EZHIP: variants seen among roughly 807,000 people sequenced by gnomAD.
EZHIP encodes the protein K27M-like inhibitor of PRC2.
For missense variants in EZHIP, 428 were observed against 204.2 expected, an observed-to-expected ratio of 2.10 and a Z score of -6.68; for synonymous variants, 192 against 86.5, an observed-to-expected ratio of 2.22 and a Z score of -6.77.
chrX:51,407,327 G>A lies in EZHIP; in HGVS notation c.311G>A (p.Arg104His), dbSNP rs1484319307. The change falls in exon 1 of 1, where the codon CGC becomes CAC. Residue 104 changes from arginine (R) to histidine (H), a missense_variant. Physicochemically the swap from Arg to His is conservative, Grantham distance 29 (BLOSUM62 0). Transcript: ENST00000342995. ...AGGCATTCTGACCGCCAGGACTGCC[G>A]CAGTCCTCACGAAGTTTTTGGGTGT... ...TERHSDRQDC[R>H]SPHEVFGCVV... 8 of 568,904 alleles carry A rather than the reference G, an allele frequency of 1.4e-5. No individual in the cohort carries two copies. Among genetic ancestry groups the A allele is most frequent in the Non-Finnish European group, 2.3e-5 (7 of 308,938 alleles). 46.9% of individuals were successfully genotyped at this position (568,904 alleles called of 1,213,427 possible). A position where few individuals can be genotyped will look rare whatever the true frequency, so the allele number is the denominator to read the frequency against.
rs17854399 is a variant in EZHIP at position 51,407,589 on chromosome X, G to C, written c.573G>C (p.Thr191=). 3.4e-5 allele frequency: 19 copies of C among 556,432 alleles called. No homozygotes were observed. The highest frequency in any genetic ancestry group is 2.3e-4 in the East Asian group (7 of 30,051). The allele number at this position is 556,432 out of a possible 1,213,427, so 45.9% of individuals were successfully genotyped here. A position where few individuals can be genotyped will look rare whatever the true frequency, so the allele number is the denominator to read the frequency against. The change falls in exon 1 of 1, where the codon ACG becomes ACC. Residue 191 remains threonine (T), a synonymous_variant. Coordinates refer to ENST00000342995, the MANE Select transcript of EZHIP (RefSeq NM_203407.3). ...PSSYPCSGAS[T]SSQATQPGPA... ...GCTATCCCTGTTCCGGGGCTTCTAC[G>C]TCGAGTCAGGCAACCCAGCCAGGCC...
Position 51,408,275 on chromosome X carries a change from C to T in EZHIP, c.1259C>T (p.Pro420Leu). The change falls in exon 1 of 1, where the codon CCC (proline) becomes CTC (leucine). Residue 420 changes from proline (P) to leucine (L), a missense_variant. Physicochemically the swap from Pro to Leu is moderately conservative, Grantham distance 98. Transcript: ENST00000342995. Reference protein sequence around the residue: ...SPSPPGRFFLPIPQQWDESSS... With the variant: ...SPSPPGRFFLLIPQQWDESSS... ...TCACCCCCTGGGAGGTTCTTCCTTC[C>T]CATCCCTCAGCAGTGGGATGAGAGC... is the stretch of plus-strand genomic sequence containing the variant. 1.8e-6 allele frequency: 1 copy of T among 571,220 alleles called. No homozygotes were observed. Among genetic ancestry groups the T allele is most frequent in the South Asian group, 2.2e-5 (1 of 44,998 alleles). 47.1% of individuals were successfully genotyped at this position (571,220 alleles called of 1,213,427 possible).
At position 51,407,565 on chromosome X, in the gene EZHIP, C is replaced by T. The variant is rs1557318737; in HGVS notation, c.549C>T (p.Ser183=). The change falls in exon 1 of 1, where the codon AGC becomes AGT. Residue 183 remains serine (S), a synonymous_variant. Coordinates refer to ENST00000342995, the MANE Select transcript of EZHIP (RefSeq NM_203407.3). ...PPSSPGFRPS[S]YPCSGASTSS... ...CTTCTCCAGGGTTCCGGCCCAGCAG[C>T]TATCCCTGTTCCGGGGCTTCTACGT... 1.8e-6 allele frequency: 1 copy of T among 555,025 alleles called. No individual in the cohort carries two copies. Among genetic ancestry groups the T allele is most frequent in the Non-Finnish European group, 3.3e-6 (1 of 300,711 alleles). 45.7% of individuals were successfully genotyped at this position (555,025 alleles called of 1,213,427 possible). A position where few individuals can be genotyped will look rare whatever the true frequency, so the allele number is the denominator to read the frequency against.
In EZHIP at chrX:51,408,596, C is replaced by T. The variant is rs782060991; in HGVS notation, c.*68C>T. ...TTTACCCACTTTGTGAATGGGCTGC[C>T]TGCCCTGTAGTTAGCTGCGAGGTCT... On this transcript the variant is annotated 3_prime_UTR_variant, in exon 1 of 1. Transcript: ENST00000342995. The T allele has an allele frequency of 7.7e-4, 402 of 518,753 alleles. 2 individuals carry two copies. The South Asian group carries it at 0.01, about 13-fold the overall frequency. The allele number at this position is 518,753 out of a possible 1,213,427, so 42.8% of individuals were successfully genotyped here. A position where few individuals can be genotyped will look rare whatever the true frequency, so the allele number is the denominator to read the frequency against.
Position 51,407,155 on chromosome X carries a change from A to C in EZHIP, c.139A>C (p.Thr47Pro), listed in dbSNP as rs782637888. 11 of 569,055 alleles carry C rather than the reference A, an allele frequency of 1.9e-5. No homozygotes were observed. Among genetic ancestry groups the C allele is most frequent in the Middle Eastern group, 3.1e-4 (1 of 3,268 alleles). The allele number at this position is 569,055 out of a possible 1,213,427, so 46.9% of individuals were successfully genotyped here. A position where few individuals can be genotyped will look rare whatever the true frequency, so the allele number is the denominator to read the frequency against. ...TCAAGATCCTGCTGCTTCCGTCACC[A>C]CAGTCTCCAGCCAAGCATCTCCCTC... ...GNQDPAASVT[T>P]VSSQASPSGG... Residue 47 changes from threonine to proline, a missense_variant, in exon 1 of 1, where the codon ACA (threonine) becomes CCA (proline). Thr to Pro is a conservative substitution (Grantham distance 38). Transcript: ENST00000342995.
rs147119364 is a variant in EZHIP at position 51,407,191 on chromosome X, G to A, written c.175G>A (p.Ala59Thr). The change falls in exon 1 of 1, where the codon GCC (alanine) becomes ACC (threonine). Residue 59 changes from alanine (A) to threonine (T), a missense_variant. Coordinates refer to ENST00000342995, the MANE Select transcript of EZHIP (RefSeq NM_203407.3). ...SSQASPSGGA[A>T]LSSSTAGSSA... is the part of the protein sequence containing the mutation. ...CCAAGCATCTCCCTCGGGCGGCGCCGCCCTAAGCAGCAGCACAGCCGGTTC... is the reference window on the plus strand; with the variant it reads ...CCAAGCATCTCCCTCGGGCGGCGCCACCCTAAGCAGCAGCACAGCCGGTTC... The A allele has an allele frequency of 2.8e-5, 16 of 568,614 alleles. No individual in the cohort carries two copies. The highest frequency in any genetic ancestry group is 4.5e-5 in the Non-Finnish European group (14 of 308,942). 46.9% of individuals were successfully genotyped at this position (568,614 alleles called of 1,213,427 possible).
In EZHIP at chrX:51,407,134, G is replaced by A. The variant is rs146827443; in HGVS notation, c.118G>A (p.Asp40Asn). 26 of 568,928 alleles carry A rather than the reference G, an allele frequency of 4.6e-5. No homozygotes were observed. The highest frequency in any genetic ancestry group is 3.1e-4 in the Middle Eastern group (1 of 3,267). The allele number at this position is 568,928 out of a possible 1,213,427, so 46.9% of individuals were successfully genotyped here. A position where few individuals can be genotyped will look rare whatever the true frequency, so the allele number is the denominator to read the frequency against. Residue 40 changes from aspartate (D) to asparagine (N), a missense_variant, in exon 1 of 1, where the codon GAT becomes AAT. By Grantham distance (23) the Asp-to-Asn change is conservative. Coordinates refer to ENST00000342995, the MANE Select transcript of EZHIP (RefSeq NM_203407.3). Reference protein sequence around the residue: ...SGDACGTGNQDPAASVTTVSS... With the variant: ...SGDACGTGNQNPAASVTTVSS... The stretch of plus-strand genomic sequence containing the variant: ...GGATGCCTGCGGGACCGGGAATCAA[G>A]ATCCTGCTGCTTCCGTCACCACAGT...
chrX:51,407,569 C>T lies in EZHIP; in HGVS notation c.553C>T (p.Pro185Ser), dbSNP rs1437738052. 1 of 555,464 alleles carries T rather than the reference C, an allele frequency of 1.8e-6. No homozygotes were observed. The allele number at this position is 555,464 out of a possible 1,213,427, so 45.8% of individuals were successfully genotyped here. Residue 185 changes from proline (P) to serine (S), a missense_variant, in exon 1 of 1, where the codon CCC (proline) becomes TCC (serine). Transcript: ENST00000342995. ...TCCAGGGTTCCGGCCCAGCAGCTAT[C>T]CCTGTTCCGGGGCTTCTACGTCGAG... ...SSPGFRPSSYPCSGASTSSQA... is the reference protein window; with the variant it reads ...SSPGFRPSSYSCSGASTSSQA...
Position 51,408,150 on chromosome X carries a change from G to A in EZHIP, c.1134G>A (p.Arg378=). 1 of 571,000 alleles carries A rather than the reference G, an allele frequency of 1.8e-6. No homozygotes were observed. Among genetic ancestry groups the A allele is most frequent in the Non-Finnish European group, 3.2e-6 (1 of 309,276 alleles). The allele number at this position is 571,000 out of a possible 1,213,427, so 47.1% of individuals were successfully genotyped here. The change falls in exon 1 of 1, where the codon AGG becomes AGA. Residue 378 remains arginine (R), a synonymous_variant. Transcript: ENST00000342995. ...CTTCCTGTGGGACTGGCTCAGAAAG[G>A]CTTGCCTTTCAGAGCAGATCAGGCT... is the stretch of plus-strand genomic sequence containing the variant. ...ENPSCGTGSE[R]LAFQSRSGSP...
chrX:51,408,091 C>T lies in EZHIP; in HGVS notation c.1075C>T (p.Arg359Cys), dbSNP rs782346501. ...STQQRSALLSRRSLSGSADEN... is the reference protein window; with the variant it reads ...STQQRSALLSCRSLSGSADEN... The stretch of plus-strand genomic sequence containing the variant: ...CCAGCAAAGATCAGCCCTTCTCAGC[C>T]GCCGCTCTCTGTCTGGGTCAGCTGA... The change falls in exon 1 of 1, where the codon CGC (arginine) becomes TGC (cysteine). Residue 359 changes from arginine (R) to cysteine (C), a missense_variant. Transcript: ENST00000342995. 5 of 569,986 alleles carry T rather than the reference C, an allele frequency of 8.8e-6. 1 individual carries two copies. The South Asian group carries it at 8.9e-5, about 10-fold the overall frequency. 47.0% of individuals were successfully genotyped at this position (569,986 alleles called of 1,213,427 possible).
At position 51,407,731 on chromosome X, in the gene EZHIP, A is replaced by G; in HGVS notation, c.715A>G (p.Thr239Ala). 1.8e-6 allele frequency: 1 copy of G among 565,024 alleles called. No individual in the cohort carries two copies. Among genetic ancestry groups the G allele is most frequent in the South Asian group, 2.3e-5 (1 of 43,935 alleles). The allele number at this position is 565,024 out of a possible 1,213,427, so 46.6% of individuals were successfully genotyped here. A position where few individuals can be genotyped will look rare whatever the true frequency, so the allele number is the denominator to read the frequency against. Reference protein sequence around the residue: ...SGPGPVIRGCTAQPGPAFPHR... With the variant: ...SGPGPVIRGCAAQPGPAFPHR... ...TCCAGGCCCTGTCATCCGAGGCTGC[A>G]CCGCCCAGCCAGGCCCTGCTTTTCC... Residue 239 changes from threonine to alanine, a missense_variant, in exon 1 of 1, where the codon ACC (threonine) becomes GCC (alanine). Physicochemically the swap from Thr to Ala is moderately conservative, Grantham distance 58. Transcript: ENST00000342995.
chrX:51,408,003 G>T lies in EZHIP; in HGVS notation c.987G>T (p.Arg329Ser). The T allele has an allele frequency of 7.0e-6, 4 of 569,536 alleles. No individual in the cohort carries two copies. The highest frequency in any genetic ancestry group is 1.3e-5 in the Non-Finnish European group (4 of 309,477). The allele number at this position is 569,536 out of a possible 1,213,427, so 46.9% of individuals were successfully genotyped here. A position where few individuals can be genotyped will look rare whatever the true frequency, so the allele number is the denominator to read the frequency against. ...CTGCCCTTCGCGTCCGCACAGCAAG[G>T]TCAGACGCCGGTCATCGCAGCACCA... ...PGPALRVRTA[R>S]SDAGHRSTST... is the part of the protein sequence containing the mutation. The change falls in exon 1 of 1, where the codon AGG becomes AGT. Residue 329 changes from arginine to serine, a missense_variant. Transcript: ENST00000342995.
At position 51,408,632 on chromosome X, in the gene EZHIP, C is replaced by G. The variant is rs1790165544; in HGVS notation, c.*104C>G. On this transcript the variant is annotated 3_prime_UTR_variant, in exon 1 of 1. Coordinates refer to ENST00000342995, the MANE Select transcript of EZHIP (RefSeq NM_203407.3). ...TTAGCTGCGAGGTCTCCCAAAGTTC[C>G]AGCCGTTAACCAACATCCTGAGTAG... 1 of 476,636 alleles carries G rather than the reference C, an allele frequency of 2.1e-6. No individual in the cohort carries two copies. 39.3% of individuals were successfully genotyped at this position (476,636 alleles called of 1,213,427 possible). A position where few individuals can be genotyped will look rare whatever the true frequency, so the allele number is the denominator to read the frequency against.
At position 51,408,412 on chromosome X, in the gene EZHIP, C is replaced by T. The variant is rs200656870; in HGVS notation, c.1396C>T (p.Pro466Ser). 6.9e-5 allele frequency: 39 copies of T among 569,284 alleles called. No individual in the cohort carries two copies. Among genetic ancestry groups the T allele is most frequent in the Non-Finnish European group, 1.1e-4 (35 of 309,306 alleles). 46.9% of individuals were successfully genotyped at this position (569,284 alleles called of 1,213,427 possible). A position where few individuals can be genotyped will look rare whatever the true frequency, so the allele number is the denominator to read the frequency against. Residue 466 changes from proline (P) to serine (S), a missense_variant, in exon 1 of 1, where the codon CCT (proline) becomes TCT (serine). Coordinates refer to ENST00000342995, the MANE Select transcript of EZHIP (RefSeq NM_203407.3). ...CCTGAGATCTATCTCCACTCCTAGC[C>T]CTGAAAGCCTTAGGTATGCTTTGAT... ...LGLRSISTPS[P>S]ESLRYALMPE...
In EZHIP at chrX:51,406,987, C is replaced by T. The variant is rs370676521; in HGVS notation, c.-30C>T. The T allele has an allele frequency of 2.4e-4, 134 of 552,460 alleles. No individual in the cohort carries two copies. The highest frequency in any genetic ancestry group is 2.3e-3 in the African/African-American group (103 of 44,696). 45.5% of individuals were successfully genotyped at this position (552,460 alleles called of 1,213,427 possible). ...TCCTCCGGCAGAAGTAGCAGCTGCG[C>T]TCTTGCTCTCTGGGGGAGAACCTGG... On this transcript the variant is annotated 5_prime_UTR_variant, in exon 1 of 1. Coordinates refer to ENST00000342995, the MANE Select transcript of EZHIP (RefSeq NM_203407.3).
chrX:51,407,094 C>T lies in EZHIP; in HGVS notation c.78C>T (p.Thr26=), dbSNP rs1557318575. 1.8e-6 allele frequency: 1 copy of T among 568,947 alleles called. No individual in the cohort carries two copies. The allele number at this position is 568,947 out of a possible 1,213,427, so 46.9% of individuals were successfully genotyped here. The change falls in exon 1 of 1, where the codon ACC becomes ACT. Residue 26 remains threonine, a synonymous_variant. Coordinates refer to ENST00000342995, the MANE Select transcript of EZHIP (RefSeq NM_203407.3). ...GGCAGGGAGGGCTGAACAACGAAAC[C>T]GCCCTTGCCTCCGGGGATGCCTGCG... ...DEGQGGLNNE[T]ALASGDACGT...
Position 51,408,178 on chromosome X carries a change from C to T in EZHIP, c.1162C>T (p.Pro388Ser). The change falls in exon 1 of 1, where the codon CCT (proline) becomes TCT (serine). Residue 388 changes from proline (P) to serine (S), a missense_variant. Physicochemically the swap from Pro to Ser is moderately conservative, Grantham distance 74. Transcript: ENST00000342995. ...RLAFQSRSGSPDPEVPSRASP... is the reference protein window; with the variant it reads ...RLAFQSRSGSSDPEVPSRASP... ...TGCCTTTCAGAGCAGATCAGGCTCTCCTGATCCTGAGGTCCCAAGCCGTGC... is the reference window on the plus strand; with the variant it reads ...TGCCTTTCAGAGCAGATCAGGCTCTTCTGATCCTGAGGTCCCAAGCCGTGC... 1 of 570,827 alleles carries T rather than the reference C, an allele frequency of 1.8e-6. No individual in the cohort carries two copies. Among genetic ancestry groups the T allele is most frequent in the Non-Finnish European group, 3.2e-6 (1 of 309,154 alleles). The allele number at this position is 570,827 out of a possible 1,213,427, so 47.0% of individuals were successfully genotyped here. A position where few individuals can be genotyped will look rare whatever the true frequency, so the allele number is the denominator to read the frequency against.
chrX:51,408,166 A>G lies in EZHIP; in HGVS notation c.1150A>G (p.Arg384Gly). Residue 384 changes from arginine to glycine, a missense_variant, in exon 1 of 1, where the codon AGA becomes GGA. Transcript: ENST00000342995. ...CTCAGAAAGGCTTGCCTTTCAGAGC[A>G]GATCAGGCTCTCCTGATCCTGAGGT... ...TGSERLAFQS[R>G]SGSPDPEVPS... is the part of the protein sequence containing the mutation. 5.3e-6 allele frequency: 3 copies of G among 570,764 alleles called. No homozygotes were observed. The highest frequency in any genetic ancestry group is 9.7e-6 in the Non-Finnish European group (3 of 309,055). The allele number at this position is 570,764 out of a possible 1,213,427, so 47.0% of individuals were successfully genotyped here.
Position 51,408,420 on chromosome X carries a change from C to G in EZHIP, c.1404C>G (p.Ser468Arg), listed in dbSNP as rs1557318971. ...CTATCTCCACTCCTAGCCCTGAAAG[C>G]CTTAGGTATGCTTTGATGCCTGAGT... Reference protein sequence around the residue: ...LRSISTPSPESLRYALMPEFY... With the variant: ...LRSISTPSPERLRYALMPEFY... The change falls in exon 1 of 1, where the codon AGC (serine) becomes AGG (arginine). Residue 468 changes from serine to arginine, a missense_variant. Coordinates refer to ENST00000342995, the MANE Select transcript of EZHIP (RefSeq NM_203407.3). The G allele has an allele frequency of 7.0e-6, 4 of 571,209 alleles. No individual in the cohort carries two copies. The highest frequency in any genetic ancestry group is 1.3e-5 in the Non-Finnish European group (4 of 309,603). The allele number at this position is 571,209 out of a possible 1,213,427, so 47.1% of individuals were successfully genotyped here.
Sources: gnomAD v4.1 joint callset for allele counts on GRCh38, gnomAD v4.1.1 for gene constraint, MANE v1.5 for transcripts, NCBI Gene and HGNC (gene_info 2026-07-23, HGNC 2026-07-21) for gene names.